The following RIN2 variants were observed in gnomAD, a reference collection of about 807,000 sequenced individuals.
The protein encoded by RIN2 is RAB5 interacting protein 2.
RIN2 carries 36 observed loss-of-function variants against 78.0 expected under a neutral mutation model. The ratio of observed to expected loss-of-function variants is 0.46; its 90% confidence interval spans 0.35 to 0.61. The LOEUF is 0.61. Ranked by LOEUF, RIN2 falls within the 20% of genes least tolerant of loss-of-function variation. RIN2 has a pLI of 0.00. For synonymous variants in RIN2, 466 were observed against 466.8 expected (o/e 1.00, Z 0.02); for missense variants, 1,087 against 1,159.7 (o/e 0.94, Z 0.91).
intron 4 of RIN2, among the ~76,000 whole-genome samples, chr20:19,946,266 C>T (rs907422752): frequency 6.6e-6 from 1 of 152,040 alleles, no homozygotes; most frequent in African/African-American, 2.4e-5. Flanking sequence ...ATGTGATGGG[C>T]CACAGATTAC....
At chr20:19,856,235 T>C (rs2037162213) in intron 2 of RIN2, among the ~76,000 whole-genome samples, 2 of 152,202 alleles carry the variant, frequency 1.3e-5, no homozygotes, top group African/African-American at 2.4e-5. Flanking sequence ...CATGACGACA[T>C]TCTGTGTCTA....
At position 19,990,292 on chromosome 20, in the gene RIN2, G is replaced by T; in HGVS notation, c.2049G>T (p.Thr683=). 6.2e-7 allele frequency: 1 copy of T among 1,612,532 alleles called. No homozygotes were observed. The highest frequency in any genetic ancestry group is 8.5e-7 in the Non-Finnish European group (1 of 1,178,866). ...TGCGGGTCTGCAAGCTCATTTACAC[G>T]GTCATGGAGAACAACTCAGGTGAGG... ...LLLRVCKLIY[T]VMENNSGRMY... is the part of the protein sequence containing the mutation. Residue 683 remains threonine (T), a synonymous_variant, in exon 10 of 13, where the codon ACG becomes ACT. Transcript: ENST00000255006.
intron 11 of RIN2, among the ~76,000 whole-genome samples, chr20:19,993,803 C>T (rs953898154): frequency 4.6e-5 from 7 of 152,138 alleles, no homozygotes; most frequent in Non-Finnish European, 8.8e-5. Flanking sequence ...TCCTTCCTTC[C>T]ACTGTAATGT....
At chr20:19,998,056 G>A (rs1296213176) in intron 12 of RIN2, among the ~76,000 whole-genome samples, 1 of 150,624 alleles carries the variant, frequency 6.6e-6, no homozygotes, top group Non-Finnish European at 1.5e-5. Flanking sequence ...TCTGCTCACT[G>A]CAACCTCCAC....
At position 19,974,722 on chromosome 20, in the gene RIN2, G is replaced by T; in HGVS notation, c.697G>T (p.Asp233Tyr). Residue 233 changes from aspartate (D) to tyrosine (Y), a missense_variant, in exon 9 of 13, where the codon GAC becomes TAC. Asp to Tyr is a radical substitution (Grantham distance 160, BLOSUM62 -3). This residue lies in a region of RIN2 where 706 missense variants were observed against 667.5 expected (regional missense o/e 1.06). Coordinates refer to ENST00000255006, the MANE Select transcript of RIN2 (RefSeq NM_018993.4). ...ACCTCCCCATAGGCCTCTTTCCTCCGACGGTGTCTGTCCTGCCTCCCTGCG... is the reference window on the plus strand; with the variant it reads ...ACCTCCCCATAGGCCTCTTTCCTCCTACGGTGTCTGTCCTGCCTCCCTGCG... Reference protein sequence around the residue: ...LPPPHRPLSSDGVCPASLRQL... With the variant: ...LPPPHRPLSSYGVCPASLRQL... 6.2e-7 allele frequency: 1 copy of T among 1,613,928 alleles called. No homozygotes were observed. Among genetic ancestry groups the T allele is most frequent in the Non-Finnish European group, 8.5e-7 (1 of 1,179,876 alleles).
At chr20:19,893,890 T>C (rs1049128143) in intron 3 of RIN2, among the ~76,000 whole-genome samples, 1 of 152,024 alleles carries the variant, frequency 6.6e-6, no homozygotes, top group Non-Finnish European at 1.5e-5. Context: ...CTGGCCAACA[T>C]GGTGAAACCT....
chr20:19,920,251 G>A (rs572209022), intron 3 of RIN2, among the ~76,000 whole-genome samples: 5 of 149,058 alleles, frequency 3.4e-5, no homozygotes, highest in Admixed American at 1.3e-4. Context: ...AGCTGAGATC[G>A]CGCCACTGCA....
upstream of RIN2, chr20:19,757,736 G>C (rs972242128): frequency 2.4e-4 from 37 of 152,466 alleles, no homozygotes; most frequent in African/African-American, 8.9e-4. Flanking sequence ...TATGGGAAAG[G>C]GGTGCGTGCG....
In RIN2 at chr20:19,853,662, T is replaced by A. The variant is rs553927709; in HGVS notation, c.-36-35904T>A. On this transcript the variant is annotated intron_variant, in intron 2 of 12. Transcript: ENST00000255006. ...CGATGAGCATTTTTTCATGTGTCTG[T>A]TGGCTGCATAAATGTCTTCTTTTGA... Among the ~76,000 whole-genome samples, 9 of 152,388 alleles carry A rather than the reference T, an allele frequency of 5.9e-5. No individual in the cohort carries two copies. The East Asian group carries it at 1.7e-3, about 29-fold the overall frequency.
Position 19,990,049 on chromosome 20 carries a change from C to T in RIN2, c.1806C>T (p.Pro602=). ...EKAMHKCILK[P]LKGHVEAMLK... ...CCATGCACAAGTGCATCTTGAAGCC[C>T]CTCAAGGGGCACGTGGAGGCCATGC... The change falls in exon 10 of 13, where the codon CCC becomes CCT. Residue 602 remains proline (P), a synonymous_variant. Transcript: ENST00000255006. 6.3e-7 allele frequency: 1 copy of T among 1,599,586 alleles called. No homozygotes were observed. The highest frequency in any genetic ancestry group is 1.3e-5 in the African/African-American group (1 of 74,758).
Position 19,996,813 on chromosome 20 carries a change from C to A in RIN2, c.2335C>A (p.Arg779=). ...RQWHKRRTTN[R]TIPSVDDFQN... ...GTGGCACAAACGGAGAACCACCAAC[C>A]GGACCATCCCCTCTGTGGACGACTT... is the stretch of plus-strand genomic sequence containing the variant. Residue 779 remains arginine (R), a synonymous_variant, in exon 12 of 13, where the codon CGG becomes AGG. Coordinates refer to ENST00000255006, the MANE Select transcript of RIN2 (RefSeq NM_018993.4). 1.2e-6 allele frequency: 2 copies of A among 1,603,916 alleles called. No homozygotes were observed. The highest frequency in any genetic ancestry group is 2.2e-5 in the East Asian group (1 of 44,504).
rs976880406 is a variant in RIN2 at position 19,972,101 on chromosome 20, G to A, written c.628+1172G>A. Among the ~76,000 whole-genome samples, 7 of 152,196 alleles carry A rather than the reference G, an allele frequency of 4.6e-5. No individual in the cohort carries two copies. The Middle Eastern group carries it at 0.01, about 222-fold the overall frequency. On this transcript the variant is annotated intron_variant, in intron 8 of 12. Coordinates refer to ENST00000255006, the MANE Select transcript of RIN2 (RefSeq NM_018993.4). The stretch of plus-strand genomic sequence containing the variant: ...TTCTGTGTTTGAGGCCTGTCTGATG[G>A]CAAGACTGGGTAATGGGATTTGGAA...
At chr20:19,898,664 C>T (rs1158530045) in intron 3 of RIN2, among the ~76,000 whole-genome samples, 1 of 152,188 alleles carries the variant, frequency 6.6e-6, no homozygotes, top group Admixed American at 6.5e-5. Context: ...TTTTACAGAA[C>T]AGAAATCTGC....
At position 19,812,798 on chromosome 20, in the gene RIN2, T is replaced by C. The variant is rs577619882; in HGVS notation, c.-37+13051T>C. On this transcript the variant is annotated intron_variant, in intron 2 of 12. Transcript: ENST00000255006. ...TTTGTTAAAAATAGTCATTGTCTGG[T>C]AATAATACTCCCTGGATTACTTTTT... Among the ~76,000 whole-genome samples the C allele has an allele frequency of 3.9e-5, 6 of 152,340 alleles. No homozygotes were observed. The East Asian group carries it at 1.2e-3, about 29-fold the overall frequency.
At chr20:19,868,779 G>T (rs899426612) in intron 2 of RIN2, among the ~76,000 whole-genome samples, 1 of 152,082 alleles carries the variant, frequency 6.6e-6, no homozygotes, top group African/African-American at 2.4e-5. Context: ...TAAGTCTTGA[G>T]GGATAAAAAG....
intron 12 of RIN2, 86 bp downstream of exon 12, chr20:19,996,928 C>T (rs2042987085): frequency 3.0e-6 from 4 of 1,340,376 alleles, no homozygotes; most frequent in African/African-American, 1.5e-5. Context: ...CAGAGGTCCC[C>T]ACTGTGTTGA....
chr20:19,934,859 T>G (rs2040571630), intron 3 of RIN2, among the ~76,000 whole-genome samples: 2 of 151,980 alleles, frequency 1.3e-5, no homozygotes, highest in Admixed American at 1.3e-4. Context: ...GTCATATTCT[T>G]TTCCTTATTA....
At chr20:19,938,355 A>T (rs952439802) in intron 4 of RIN2, among the ~76,000 whole-genome samples, 5 of 151,986 alleles carry the variant, frequency 3.3e-5, no homozygotes, top group Non-Finnish European at 5.9e-5. Flanking sequence ...AGTAGTTGGA[A>T]GCACGGGTGC....
chr20:19,854,542 C>G (rs565841488), intron 2 of RIN2, among the ~76,000 whole-genome samples: 2 of 152,140 alleles, frequency 1.3e-5, no homozygotes, highest in East Asian at 3.9e-4. Flanking sequence ...TGTTTGTGTC[C>G]TCTTTTGTTT....
Sources: gnomAD v4.1 joint callset for allele counts (sites outside exome capture counted in the v4.1 genomes callset) on GRCh38, gnomAD v4.1.1 for gene constraint, gnomAD v4.1.1 regional missense constraint, MANE v1.5 for transcripts, NCBI Gene and HGNC (gene_info 2026-07-23, HGNC 2026-07-21) for gene names.